Variants in CENPP observed in about 807,000 individuals in gnomAD.
The protein encoded by CENPP is centromere protein P.
CENPP carries 24 observed loss-of-function variants against 35.6 expected under a neutral mutation model. That is an observed-to-expected ratio of 0.67 (90% CI 0.49 to 0.95). The LOEUF is 0.95. CENPP is among the 40% of genes least tolerant of loss of function. The pLI is 0.00. For synonymous variants in CENPP, 120 were observed against 125.5 expected (o/e 0.96, Z 0.29); for missense variants, 332 against 345.3 (o/e 0.96, Z 0.31).
intron 5 of CENPP, among the ~76,000 whole-genome samples, chr9:92,480,439 A>T (rs1392900364): frequency 6.6e-6 from 1 of 152,212 alleles, no homozygotes; most frequent in African/African-American, 2.4e-5. Flanking sequence ...ACTAGACTGC[A>T]TGTCCTCCTA....
chr9:92,384,572 T>G (rs1397838752), intron 5 of CENPP: 1 of 152,188 alleles, frequency 6.6e-6, no homozygotes, highest in Non-Finnish European at 1.5e-5. Flanking sequence ...TACTCTCAGA[T>G]AGAAGATTTA....
At chr9:92,537,998 G>T (rs1563994337) in intron 5 of CENPP, among the ~76,000 whole-genome samples, 1 of 152,144 alleles carries the variant, frequency 6.6e-6, no homozygotes, top group East Asian at 1.9e-4. Flanking sequence ...TGCTGTGTTG[G>T]CCAGTGTGTA....
chr9:92,577,143 A>G (rs760090443), intron 5 of CENPP, among the ~76,000 whole-genome samples: 1 of 152,198 alleles, frequency 6.6e-6, no homozygotes, highest in Non-Finnish European at 1.5e-5. Flanking sequence ...ATTATCTGTA[A>G]AATTTGAAGA....
At chr9:92,571,925 G>A in intron 5 of CENPP, among the ~76,000 whole-genome samples, 1 of 73,074 alleles carries the variant, frequency 1.4e-5, no homozygotes, top group Admixed American at 1.5e-4. Flanking sequence ...TTTTTTTTTT[G>A]TTTTCCATTT....
chr9:92,611,528 G>A, intron 6 of CENPP, 135 bp downstream of exon 6: 4 of 678,936 alleles, frequency 5.9e-6, no homozygotes, highest in Non-Finnish European at 9.9e-6. Flanking sequence ...AGGAATCAGT[G>A]GTCCCAGCAG....
chr9:92,534,059 T>C (rs762359679), intron 5 of CENPP, among the ~76,000 whole-genome samples: 1 of 152,166 alleles, frequency 6.6e-6, no homozygotes, highest in African/African-American at 2.4e-5. Flanking sequence ...CTTCTTTTTT[T>C]CCTATACAAG....
At chr9:92,327,860 TG>T (rs554990200) in intron 1 of CENPP, among the ~76,000 whole-genome samples, 125 of 152,330 alleles carry the variant, frequency 8.2e-4, no homozygotes, top group African/African-American at 2.7e-3. Context: ...AGGGGGTATG[TG>T]ACTTAACCCT....
chr9:92,360,790 T>C (rs1422655380), intron 4 of CENPP, among the ~76,000 whole-genome samples: 1 of 152,062 alleles, frequency 6.6e-6, no homozygotes, highest in Non-Finnish European at 1.5e-5. Context: ...CTGCAAGCTC[T>C]GCCTCCTGGG....
intron 5 of CENPP, among the ~76,000 whole-genome samples, chr9:92,548,524 T>G (rs1849521663): frequency 6.6e-6 from 1 of 152,328 alleles, no homozygotes; most frequent in East Asian, 1.9e-4. Flanking sequence ...GTACATCAAC[T>G]ATCAGATTGG....
chr9:92,453,910 A>C (rs1844793810), intron 5 of CENPP, among the ~76,000 whole-genome samples: 1 of 152,150 alleles, frequency 6.6e-6, no homozygotes, highest in Admixed American at 6.5e-5. Context: ...ACTTAAGCCC[A>C]AGAGTTTGAG....
At chr9:92,579,091 G>C (rs1437135341) in intron 5 of CENPP, among the ~76,000 whole-genome samples, 1 of 150,658 alleles carries the variant, frequency 6.6e-6, no homozygotes, top group African/African-American at 2.4e-5. Flanking sequence ...TCTCAGGTTT[G>C]TCAAAGATCA....
At position 92,612,599 on chromosome 9, in the gene CENPP, A is replaced by G. The variant is rs758696134; in HGVS notation, c.721A>G (p.Lys241Glu). The G allele has an allele frequency of 1.9e-6, 3 of 1,613,914 alleles. No homozygotes were observed. The highest frequency in any genetic ancestry group is 1.1e-5 in the South Asian group (1 of 91,080). ...KVFPKLDLLT[K>E]VPQRALELDK... ...TTTTCCAAAGCTGGATCTTCTCACC[A>G]AAGTCCCACAGCGAGGTAGGGCCCT... The change falls in exon 7 of 8, where the codon AAA becomes GAA. Residue 241 changes from lysine (K) to glutamate (E), a missense_variant. Lys to Glu is a moderately conservative substitution (Grantham distance 56). Transcript: ENST00000375587.
At chr9:92,544,712 AT>A (rs150281438) in intron 5 of CENPP, among the ~76,000 whole-genome samples, 2,969 of 132,380 alleles carry the variant, frequency 0.022, 78 homozygotes, top group African/African-American at 0.069. Context: ...ATCACTATAA[AT>A]TTTTTTTTTT....
intron 5 of CENPP, among the ~76,000 whole-genome samples, chr9:92,487,442 C>T (rs983929033): frequency 2.6e-5 from 4 of 152,182 alleles, no homozygotes; most frequent in African/African-American, 9.6e-5. Context: ...TGGATTATAA[C>T]ACATACAATA....
chr9:92,425,689 A>G (rs1309992260), intron 5 of CENPP, among the ~76,000 whole-genome samples: 1 of 152,244 alleles, frequency 6.6e-6, no homozygotes, highest in Non-Finnish European at 1.5e-5. Flanking sequence ...AAAAGTATAC[A>G]GTGTTTCAAG....
intron 4 of CENPP, among the ~76,000 whole-genome samples, chr9:92,368,160 A>C (rs190080438): frequency 1.3e-5 from 2 of 152,236 alleles, no homozygotes; most frequent in South Asian, 2.1e-4. Context: ...TGATGATGCT[A>C]TATAGCCATA....
At chr9:92,599,132 T>C (rs1357870285) in intron 5 of CENPP, among the ~76,000 whole-genome samples, 2 of 147,054 alleles carry the variant, frequency 1.4e-5, no homozygotes, top group South Asian at 2.1e-4. Flanking sequence ...AAAAAGGAAG[T>C]GGAAATATGG....
rs141251678 is a variant in CENPP at position 92,612,493 on chromosome 9, A to G, written c.645-30A>G. The G allele has an allele frequency of 7.8e-5, 120 of 1,547,946 alleles. No homozygotes were observed. In the African/African-American group the frequency reaches 1.4e-3, roughly 17 times the overall value. On this transcript the variant is annotated intron_variant, in intron 6 of 7. Coordinates refer to ENST00000375587, the MANE Select transcript of CENPP (RefSeq NM_001012267.3). ...ATCTTTTCGCCAGATTTCAAAAAGC[A>G]CATAACGACATGTTTTACTGCTTTT...
intron 5 of CENPP, among the ~76,000 whole-genome samples, chr9:92,552,192 C>CTATCAT (rs1849630185): frequency 7.8e-6 from 1 of 127,680 alleles, no homozygotes; most frequent in African/African-American, 3.1e-5. Flanking sequence ...CTATCATATA[C>CTATCAT]ACACACACAC....
Sources: gnomAD v4.1 joint callset for allele counts (sites outside exome capture counted in the v4.1 genomes callset) on GRCh38, gnomAD v4.1.1 for gene constraint, MANE v1.5 for transcripts, NCBI Gene and HGNC (gene_info 2026-07-23, HGNC 2026-07-21) for gene names.